PFKM: variants seen among roughly 807,000 people sequenced by gnomAD.
The protein encoded by PFKM is phosphofructokinase, muscle.
In PFKM, 58 loss-of-function variants were observed where a neutral mutation model predicts 95.5. The ratio of observed to expected loss-of-function variants is 0.61; its 90% CI spans 0.49 to 0.76. PFKM has a LOEUF of 0.76. Among genes scored for constraint, PFKM ranks in the 30% least tolerant of loss-of-function variants. PFKM has a pLI of 0.00. For missense variants in PFKM, 678 were observed against 1,005.4 expected (o/e 0.67, Z 4.40); for synonymous variants, 336 against 357.2 (o/e 0.94, Z 0.67).
At chr12:48,140,943 C>T (rs1246723318) in intron 14 of PFKM, 72 bp downstream of exon 14, 1 of 1,524,762 alleles carries the variant, frequency 6.6e-7, no homozygotes, top group African/African-American at 1.4e-5. Flanking sequence ...CCTGTCCATT[C>T]TCTTGGCTTC....
At chr12:48,117,474 T>C (rs545024956), upstream of PFKM, among the ~76,000 whole-genome samples, 5 of 152,362 alleles carry the variant, frequency 3.3e-5, no homozygotes, top group East Asian at 7.7e-4. Context: ...GTTCCAGTGG[T>C]TCCACATTCT....
intron 2 of PFKM, 101 bp from the exon 3 acceptor site, chr12:48,130,262 G>C: frequency 1.2e-6 from 1 of 816,208 alleles, no homozygotes; most frequent in Non-Finnish European, 2.2e-6. Context: ...ACTAAATAAA[G>C]TACTGATTCG....
At chr12:48,139,424 A>G in intron 12 of PFKM, 75 bp downstream of exon 12, 1 of 1,141,944 alleles carries the variant, frequency 8.8e-7, no homozygotes, top group Non-Finnish European at 1.3e-6. Context: ...CCATGGCTCC[A>G]GGCCCAAAAC....
chr12:48,122,937 T>A, intron 2 of PFKM, 78 bp downstream of exon 2: 1 of 1,379,640 alleles, frequency 7.2e-7, no homozygotes. Flanking sequence ...ACAATAGAAT[T>A]ATTCTTCTGT....
At chr12:48,141,222 T>A in intron 14 of PFKM, 89 bp from the exon 15 acceptor site, 1 of 1,215,722 alleles carries the variant, frequency 8.2e-7, no homozygotes, top group Non-Finnish European at 1.2e-6. Context: ...GATCCAGGGG[T>A]AGGGTTAGAA....
chr12:48,146,362 C>T lies in PFKM; in HGVS notation c.*654C>T, dbSNP rs987546386. ...GCAGCCAAATACTCTTTGCACAGTT[C>T]TTTAGTGGGAAGAGAAATTAACAAT... is the stretch of plus-strand genomic sequence containing the variant. On this transcript the variant is annotated 3_prime_UTR_variant, in exon 23 of 23. Coordinates refer to ENST00000359794, the MANE Select transcript of PFKM (RefSeq NM_000289.6). 1.3e-5 allele frequency: 2 copies of T among 153,406 alleles called. No homozygotes were observed. The highest frequency in any genetic ancestry group is 2.9e-5 in the Non-Finnish European group (2 of 68,894). 9.5% of individuals were successfully genotyped at this position (153,406 alleles called of 1,614,324 possible). A position where few individuals can be genotyped will look rare whatever the true frequency, so the allele number is the denominator to read the frequency against.
chr12:48,138,246 T>C (rs1950273551), intron 11 of PFKM, among the ~76,000 whole-genome samples: 1 of 152,198 alleles, frequency 6.6e-6, no homozygotes, highest in Admixed American at 6.5e-5. Context: ...ATCTTGAACA[T>C]GTTTCTCTGA....
rs1946755919 is a variant in PFKM, at chr12:48,107,288, T to C, written c.-9-77T>C. 4 of 877,034 alleles carry C rather than the reference T, an allele frequency of 4.6e-6. No homozygotes were observed. The South Asian group carries it at 5.4e-5, about 12-fold the overall frequency. 54.3% of individuals were successfully genotyped at this position (877,034 alleles called of 1,614,324 possible). On this transcript the variant is annotated intron_variant, in intron 1 of 24. Transcript: ENST00000340802. ...TCCTAAGGCCAAGTAGTCATGAGTG[T>C]AGCTGGTCCATGTCAGTCACTGACA...
chr12:48,114,114 T>C (rs1947459870), intron 3 of PFKM, among the ~76,000 whole-genome samples: 1 of 152,182 alleles, frequency 6.6e-6, no homozygotes, highest in African/African-American at 2.4e-5. Flanking sequence ...ACTGCTCTAA[T>C]GCCTTCCTGG....
chr12:48,106,413 T>C, intron 1 of PFKM: 1 of 453,020 alleles, frequency 2.2e-6, no homozygotes. Context: ...GCGTTCCAGT[T>C]TCCATGGCAG....
chr12:48,107,888 CT>C (rs1274888167), intron 2 of PFKM, among the ~76,000 whole-genome samples: 2 of 152,158 alleles, frequency 1.3e-5, no homozygotes, highest in Non-Finnish European at 2.9e-5. Flanking sequence ...ATATGTTCTG[CT>C]TTCCCCCATG....
At chr12:48,106,094 G>A (rs1190340469) in exon 1 of PFKM, 2 of 702,650 alleles carry the variant, frequency 2.8e-6, no homozygotes, top group Middle Eastern at 2.3e-4. Flanking sequence ...CCCGGGAACC[G>A]CCGCGAACCG....
At chr12:48,143,027 C>G in intron 18 of PFKM, 81 bp downstream of exon 18, 4 of 1,353,750 alleles carry the variant, frequency 3.0e-6, no homozygotes, top group Non-Finnish European at 3.1e-6. Flanking sequence ...TATGAGAGCT[C>G]AAGTTGAGGA....
chr12:48,118,425 G>A, upstream of PFKM: 1 of 859,548 alleles, frequency 1.2e-6, no homozygotes, highest in Non-Finnish European at 1.9e-6. Context: ...CTTTTATTTT[G>A]TGTAGTCAAA....
rs1950963087 is a variant in PFKM, at chr12:48,145,473, C to G, written c.2199-91C>G. On this transcript the variant is annotated intron_variant, in intron 22 of 22. Transcript: ENST00000359794. The surrounding 1 kb of genome is among the most constrained non-coding windows in gnomAD (Gnocchi z 4.3). ...GTGATGCACATGTCCTAAATCTAACCTCTTCTGTCTAACTTCTTCCTATAA... is the reference window on the plus strand; with the variant it reads ...GTGATGCACATGTCCTAAATCTAACGTCTTCTGTCTAACTTCTTCCTATAA... The G allele has an allele frequency of 2.7e-6, 4 of 1,494,822 alleles. No homozygotes were observed. Among genetic ancestry groups the G allele is most frequent in the Non-Finnish European group, 3.7e-6 (4 of 1,076,060 alleles). The allele number at this position is 1,494,822 out of a possible 1,614,324, so 92.6% of individuals were successfully genotyped here. A position where few individuals can be genotyped will look rare whatever the true frequency, so the allele number is the denominator to read the frequency against.
chr12:48,124,121 G>A (rs934910746), intron 2 of PFKM, among the ~76,000 whole-genome samples: 12 of 152,156 alleles, frequency 7.9e-5, no homozygotes, highest in African/African-American at 2.7e-4. Context: ...ATACTTATTA[G>A]TATATTAGTA....
chr12:48,135,212 T>C, intron 9 of PFKM, 79 bp from the exon 10 acceptor site: 3 of 1,305,786 alleles, frequency 2.3e-6, no homozygotes, highest in Non-Finnish European at 3.3e-6. Context: ...GAGCTGTCCA[T>C]GGTTTACCCA....
rs573415826 is a variant in PFKM, at chr12:48,111,993, C to T, written c.205+3799C>T. 7.2e-5 allele frequency among the ~76,000 whole-genome samples: 11 copies of T among 152,218 alleles called. No individual in the cohort carries two copies. The South Asian group carries it at 1.2e-3, about 17-fold the overall frequency. ...AGGGCCTCTAAAAGTATTAGGGCAG[C>T]GGCAGCCGCTGCACAGAGGCATGAT... On this transcript the variant is annotated intron_variant, in intron 3 of 24. Transcript: ENST00000340802.
At position 48,139,892 on chromosome 12, in the gene PFKM, G is replaced by A; in HGVS notation, c.1171G>A (p.Val391Ile). 1 of 1,612,558 alleles carries A rather than the reference G, an allele frequency of 6.2e-7. No individual in the cohort carries two copies. Among genetic ancestry groups the A allele is most frequent in the Non-Finnish European group, 8.5e-7 (1 of 1,178,576 alleles). ...GGAGGTGTACAAGCTTCTAGCTCAT[G>A]TCAGACCCCCGGTATCTAAGGTACT... is the stretch of plus-strand genomic sequence containing the variant. ...NWEVYKLLAHVRPPVSKSGSH... is the reference protein window; with the variant it reads ...NWEVYKLLAHIRPPVSKSGSH... Residue 391 changes from valine (V) to isoleucine (I), a missense_variant, in exon 13 of 23, where the codon GTC becomes ATC. Physicochemically the swap from Val to Ile is conservative, Grantham distance 29. Transcript: ENST00000359794.
Sources: allele counts gnomAD v4.1 joint callset (sites outside exome capture counted in the v4.1 genomes callset), GRCh38; gene constraint gnomAD v4.1.1; non-coding constraint Gnocchi (gnomAD v3.1); transcripts MANE v1.5; gene names NCBI Gene and HGNC (gene_info 2026-07-23, HGNC 2026-07-21).